Variants in EPHA1 observed in about 807,000 individuals in gnomAD.
The protein encoded by EPHA1 is EPH receptor A1.
Under a neutral mutation model 110.1 loss-of-function variants are expected in EPHA1, and 92 were observed. The observed-to-expected ratio is 0.84, with a 90% CI of 0.71 to 0.99. The LOEUF is 0.99. Ranked by LOEUF, EPHA1 falls within the 50% of genes least tolerant of loss-of-function variation. EPHA1 has a pLI of 0.00. For missense variants in EPHA1, 1,204 were observed against 1,285.4 expected, an observed-to-expected ratio of 0.94 and a Z score of 0.97; for synonymous variants, 500 against 516.1, an observed-to-expected ratio of 0.97 and a Z score of 0.42.
At chr7:143,407,533 TCCTC>T in intron 2 of EPHA1, 74 bp downstream of exon 2, 1 of 1,452,038 alleles carries the variant, frequency 6.9e-7, no homozygotes. Context: ...TTTTCTCTGT[TCCTC>T]CACCCACCTC....
chr7:143,398,993 C>T (rs183169049), intron 5 of EPHA1, 48 bp from the exon 6 acceptor site: 29 of 1,493,602 alleles, frequency 1.9e-5, no homozygotes, highest in South Asian at 3.9e-5. Context: ...CGCTGTCACC[C>T]GAGCTGCTGA....
chr7:143,397,692 TCA>T lies in EPHA1; in HGVS notation c.1616-37_1616-36del, dbSNP rs1411402777. 1.2e-5 allele frequency: 19 copies of T among 1,611,214 alleles called. No homozygotes were observed. In the East Asian group the frequency reaches 4.2e-4, roughly 36 times the overall value. On this transcript the variant is annotated intron_variant, in intron 8 of 17. Transcript: ENST00000275815. ...CAAAGGGATGAGGAAGTGTTGGGAC[TCA>T]CAGTCCGTAGGAATGAGGGGGGTTA...
intron 7 of EPHA1, 34 bp downstream of exon 7, chr7:143,398,287 G>A (rs971428365): frequency 6.2e-7 from 1 of 1,612,200 alleles, no homozygotes; most frequent in Non-Finnish European, 8.5e-7. Context: ...CCCGGGCATG[G>A]ACACTGAAGA....
At chr7:143,394,385 C>A in intron 14 of EPHA1, 42 bp from the exon 15 acceptor site, 1 of 1,567,906 alleles carries the variant, frequency 6.4e-7, no homozygotes, top group South Asian at 1.2e-5. Context: ...TTATGGTGTC[C>A]ACCTGAGCAC....
In EPHA1 at chr7:143,393,426, TG is replaced by T. The variant is rs533500182; in HGVS notation, c.2696+244del. The stretch of plus-strand genomic sequence containing the variant: ...TGAGGCTGCCTGAGAAGAGAAAAGA[TG>T]GGCCCCCCACCCCCAAGCCCAGGTG... On this transcript the variant is annotated intron_variant, in intron 16 of 17. Transcript: ENST00000275815. This position sits in a 1 kb window ranked among gnomAD's most constrained non-coding sequence, Gnocchi z 5.6. Among the ~76,000 whole-genome samples the T allele has an allele frequency of 6.6e-5, 10 of 152,150 alleles. No homozygotes were observed. The highest frequency in any genetic ancestry group is 5.2e-4 in the Admixed American group (8 of 15,282).
intron 2 of EPHA1, 141 bp downstream of exon 2, chr7:143,407,470 G>T: frequency 2.8e-6 from 2 of 722,808 alleles, no homozygotes; most frequent in Non-Finnish European, 4.7e-6. Context: ...AGGAGGCTCT[G>T]ACTCAGCCTC....
rs56244405 is a variant in EPHA1, at chr7:143,394,275, G to T, written c.2421C>A (p.Ser807Arg). ...AIAHRIFTTASDVWSFGIVMW... is the reference protein window; with the variant it reads ...AIAHRIFTTARDVWSFGIVMW... The stretch of plus-strand genomic sequence containing the variant: ...TCACAATCCCAAAGCTCCACACATC[G>T]CTGGCTGTGGTGAAGATCCGATGGG... Residue 807 changes from serine (S) to arginine (R), a missense_variant, in exon 15 of 18, where the codon AGC becomes AGA. Physicochemically the swap from Ser to Arg is moderately radical, Grantham distance 110 (BLOSUM62 -1). Transcript: ENST00000275815. The T allele has an allele frequency of 6.2e-7, 1 of 1,614,022 alleles. No homozygotes were observed. Among genetic ancestry groups the T allele is most frequent in the South Asian group, 1.1e-5 (1 of 91,080 alleles).
rs1805068398 is a variant in EPHA1 at position 143,391,257 on chromosome 7, T to G, written c.*200A>C. The G allele has an allele frequency of 9.7e-6, 6 of 617,710 alleles. No individual in the cohort carries two copies. The South Asian group carries it at 9.9e-5, about 10-fold the overall frequency. 38.3% of individuals were successfully genotyped at this position (617,710 alleles called of 1,614,324 possible). ...CCTCAGCTCCCTCCCATGATCATCCTTTTACTTCTACCCCCACCTCCCTTT... is the reference window on the plus strand; with the variant it reads ...CCTCAGCTCCCTCCCATGATCATCCGTTTACTTCTACCCCCACCTCCCTTT... On this transcript the variant is annotated 3_prime_UTR_variant, in exon 18 of 18. Coordinates refer to ENST00000275815, the MANE Select transcript of EPHA1 (RefSeq NM_005232.5).
intron 2 of EPHA1, among the ~76,000 whole-genome samples, chr7:143,406,816 T>G (rs1805564017): frequency 6.6e-6 from 1 of 152,166 alleles, no homozygotes; most frequent in South Asian, 2.1e-4. Context: ...GAGAGTGCAG[T>G]AGGAAAAAAC....
chr7:143,407,117 C>A (rs1805571690), intron 2 of EPHA1, among the ~76,000 whole-genome samples: 2 of 152,006 alleles, frequency 1.3e-5, no homozygotes, highest in African/African-American at 2.4e-5. Context: ...TTTGGCTGGT[C>A]TCTCCAGAAA....
intron 5 of EPHA1, 141 bp from the exon 6 acceptor site, chr7:143,399,086 A>G (rs1457365886): frequency 8.2e-7 from 1 of 1,216,616 alleles, no homozygotes; most frequent in Non-Finnish European, 1.2e-6. Flanking sequence ...GTTTGACTAC[A>G]TCTCTGCATT....
At chr7:143,399,453 T>C in intron 4 of EPHA1, 40 bp from the exon 5 acceptor site, 1 of 1,548,244 alleles carries the variant, frequency 6.5e-7, no homozygotes, top group Non-Finnish European at 8.7e-7. Flanking sequence ...TCTGTAAATG[T>C]TTTTACAGGC....
rs1294860169 is a variant in EPHA1 at position 143,393,185 on chromosome 7, G to C, written c.2696+486C>G. On this transcript the variant is annotated intron_variant, in intron 16 of 17. Transcript: ENST00000275815. This position sits in a 1 kb window ranked among gnomAD's most constrained non-coding sequence, Gnocchi z 5.6. ...GCTGCTACCTACCCCACCCCAGCCTGGCTGCCCAAGCTCCCTGGAGCTTGG... is the reference window on the plus strand; with the variant it reads ...GCTGCTACCTACCCCACCCCAGCCTCGCTGCCCAAGCTCCCTGGAGCTTGG... 6.6e-6 allele frequency among the ~76,000 whole-genome samples: 1 copy of C among 152,080 alleles called. No individual in the cohort carries two copies. The highest frequency in any genetic ancestry group is 1.5e-5 in the Non-Finnish European group (1 of 68,010).
At chr7:143,398,564 C>T in intron 6 of EPHA1, 37 bp downstream of exon 6, 5 of 1,607,172 alleles carry the variant, frequency 3.1e-6, no homozygotes, top group Non-Finnish European at 4.3e-6. Context: ...CTTCTGTCTC[C>T]ACCAGGTCCC....
Position 143,399,356 on chromosome 7 carries a change from G to T in EPHA1, c.893C>A (p.Pro298His). ...CTCAGACTCAGCAGTGCTCTGCTGG[G>T]GGCACGTGAGACAATGGGGTGTGTC... ...DMDTPHCLTC[P>H]QQSTAESEGA... Residue 298 changes from proline (P) to histidine (H), a missense_variant, in exon 5 of 18, where the codon CCC (proline) becomes CAC (histidine). Physicochemically the swap from Pro to His is moderately conservative, Grantham distance 77 (BLOSUM62 -2). Coordinates refer to ENST00000275815, the MANE Select transcript of EPHA1 (RefSeq NM_005232.5). 1 of 1,611,544 alleles carries T rather than the reference G, an allele frequency of 6.2e-7. No homozygotes were observed. Among genetic ancestry groups the T allele is most frequent in the Non-Finnish European group, 8.5e-7 (1 of 1,179,038 alleles).
chr7:143,405,873 CAG>C (rs147468836), intron 2 of EPHA1, among the ~76,000 whole-genome samples: 2,043 of 152,206 alleles, frequency 0.013, 40 homozygotes, highest in African/African-American at 0.047. Context: ...ACCCCAGAAA[CAG>C]GGGCTGGATT....
chr7:143,395,113 C>A lies in EPHA1; in HGVS notation c.2145+8G>T. The A allele has an allele frequency of 6.2e-7, 1 of 1,614,062 alleles. No homozygotes were observed. The highest frequency in any genetic ancestry group is 8.5e-7 in the Non-Finnish European group (1 of 1,180,006). ...CCCCCTCCCCAGCTAGTCCTCTGCC[C>A]TCCTCACCCTCAGGAAGGCATCCAG... On this transcript the variant is annotated splice_region_variant and intron_variant, in intron 13 of 17. Transcript: ENST00000275815. This position sits in a 1 kb window ranked among gnomAD's most constrained non-coding sequence, Gnocchi z 4.7.
chr7:143,397,784 C>T (rs1805300061), intron 8 of EPHA1, 127 bp from the exon 9 acceptor site: 11 of 1,520,638 alleles, frequency 7.2e-6, no homozygotes, highest in African/African-American at 1.4e-5. Flanking sequence ...GGTGTCTGTC[C>T]CCTACCCCCG....
At chr7:143,408,354 C>T (rs1805613956) in intron 1 of EPHA1, among the ~76,000 whole-genome samples, 1 of 152,244 alleles carries the variant, frequency 6.6e-6, no homozygotes, top group East Asian at 1.9e-4. Context: ...CGACTTCCCA[C>T]CTTCAACTTC....
Sources: allele counts gnomAD v4.1 joint callset (sites outside exome capture counted in the v4.1 genomes callset), GRCh38; gene constraint gnomAD v4.1.1; non-coding constraint Gnocchi (gnomAD v3.1); transcripts MANE v1.5; gene names NCBI Gene and HGNC (gene_info 2026-07-23, HGNC 2026-07-21).